ALDH18A1: variants seen among roughly 807,000 people sequenced by gnomAD.
ALDH18A1 encodes the protein delta-1-pyrroline-5-carboxylate synthase.
A neutral mutation model predicts 88.8 loss-of-function variants in ALDH18A1; 44 were observed. The ratio of observed to expected loss-of-function variants is 0.50; its 90% CI spans 0.39 to 0.64. The LOEUF is 0.64. Ranked by LOEUF, ALDH18A1 falls within the 30% of genes least tolerant of loss-of-function variation. The pLI, the probability that ALDH18A1 is intolerant of heterozygous loss-of-function variation, is 0.00. For missense variants in ALDH18A1, 782 were observed against 1,009.5 expected (o/e 0.77, Z 3.05); for synonymous variants, 331 against 372.1 (o/e 0.89, Z 1.27).
At chr10:95,607,879 G>A (rs760401452) in intron 17 of ALDH18A1, among the ~76,000 whole-genome samples, 5 of 152,164 alleles carry the variant, frequency 3.3e-5, no homozygotes, top group Non-Finnish European at 5.9e-5. Context: ...GAGCAAGTAC[G>A]AGACACAGTA....
At chr10:95,641,646 T>C (rs1263392376) in intron 3 of ALDH18A1, among the ~76,000 whole-genome samples, 2 of 151,978 alleles carry the variant, frequency 1.3e-5, no homozygotes, top group East Asian at 1.9e-4. Context: ...ACCAAGAAGT[T>C]AGAACTTTTT....
chr10:95,616,073 G>A (rs1032203687), intron 13 of ALDH18A1, among the ~76,000 whole-genome samples: 5 of 152,160 alleles, frequency 3.3e-5, no homozygotes, highest in African/African-American at 1.2e-4. Context: ...AGTGATAACA[G>A]CATGATCTCA....
Position 95,627,506 on chromosome 10 carries a change from G to A in ALDH18A1, c.1014C>T (p.His338=), listed in dbSNP as rs150056435. 190 of 1,614,122 alleles carry A rather than the reference G, an allele frequency of 1.2e-4. No individual in the cohort carries two copies. The highest frequency in any genetic ancestry group is 1.5e-4 in the Non-Finnish European group (180 of 1,179,984). Residue 338 remains histidine (H), a synonymous_variant, in exon 9 of 18, where the codon CAC becomes CAT. Coordinates refer to ENST00000371224, the MANE Select transcript of ALDH18A1 (RefSeq NM_002860.4). ...TCCCCTCCACAATGTCTGTGATGAC[G>A]TGCCCAGACACCTTTGGGTGGGTTC... ...ANGTHPKVSG[H]VITDIVEGKK... is the part of the protein sequence containing the mutation.
At chr10:95,622,201 C>T (rs2097853835) in intron 11 of ALDH18A1, among the ~76,000 whole-genome samples, 1 of 152,004 alleles carries the variant, frequency 6.6e-6, no homozygotes, top group African/African-American at 2.4e-5. Context: ...AAACTTTTTT[C>T]CTTTTTTTCT....
chr10:95,606,222 T>A lies in ALDH18A1; in HGVS notation c.*540A>T, dbSNP rs2097822368. The A allele has an allele frequency of 4.0e-6, 4 of 989,740 alleles. No homozygotes were observed. The highest frequency in any genetic ancestry group is 1.0e-3 in the Middle Eastern group (2 of 1,922). 61.3% of individuals were successfully genotyped at this position (989,740 alleles called of 1,614,324 possible). On this transcript the variant is annotated 3_prime_UTR_variant, in exon 18 of 18. Transcript: ENST00000371224. ...AATGCTTATTAATTTACCCCACAAA[T>A]AAATACAAAAGGTCAATCTTCCCAG...
chr10:95,618,772 G>A (rs1232209757), intron 12 of ALDH18A1, among the ~76,000 whole-genome samples: 1 of 152,180 alleles, frequency 6.6e-6, no homozygotes, highest in African/African-American at 2.4e-5. Flanking sequence ...AGAGACTTGT[G>A]GTCAGAGAAC....
Position 95,613,786 on chromosome 10 carries a change from T to C in ALDH18A1, c.1879A>G (p.Thr627Ala), listed in dbSNP as rs1171408693. Reference protein sequence around the residue: ...TLLIHRDLLRTPLFDQIIDML... With the variant: ...TLLIHRDLLRAPLFDQIIDML... ...TCAATGATCTGGTCAAATAATGGTG[T>C]CCTGAGCAGATCCCGGTGGATTAAC... is the stretch of plus-strand genomic sequence containing the variant. Residue 627 changes from threonine to alanine, a missense_variant, in exon 15 of 18, where the codon ACA becomes GCA. Around this residue, in one of 3 missense-constraint regions of ALDH18A1, gnomAD observed 556 missense variants for 654.5 expected, o/e 0.85. Transcript: ENST00000371224. 6.2e-7 allele frequency: 1 copy of C among 1,613,996 alleles called. No homozygotes were observed.
At position 95,613,781 on chromosome 10, in the gene ALDH18A1, T is replaced by G. The variant is rs866277932; in HGVS notation, c.1884A>C (p.Pro628=). The G allele has an allele frequency of 1.9e-6, 3 of 1,614,164 alleles. No homozygotes were observed. Among genetic ancestry groups the G allele is most frequent in the Middle Eastern group, 3.3e-4 (2 of 6,062 alleles). ...GCATATCAATGATCTGGTCAAATAA[T>G]GGTGTCCTGAGCAGATCCCGGTGGA... ...LLIHRDLLRT[P]LFDQIIDMLR... The change falls in exon 15 of 18, where the codon CCA becomes CCC. Residue 628 remains proline, a synonymous_variant. Transcript: ENST00000371224.
chr10:95,626,032 T>C lies in ALDH18A1; in HGVS notation c.1153-577A>G, dbSNP rs952048178. Among the ~76,000 whole-genome samples, 3 of 152,210 alleles carry C rather than the reference T, an allele frequency of 2.0e-5. No homozygotes were observed. The East Asian group carries it at 5.8e-4, about 29-fold the overall frequency. On this transcript the variant is annotated intron_variant, in intron 10 of 17. Coordinates refer to ENST00000371224, the MANE Select transcript of ALDH18A1 (RefSeq NM_002860.4). ...AACCTGACCCTGCTAGATGAGGAAATGTGGCAAATCAGTATGCTGATTATT... is the reference window on the plus strand; with the variant it reads ...AACCTGACCCTGCTAGATGAGGAAACGTGGCAAATCAGTATGCTGATTATT...
In ALDH18A1 at chr10:95,606,548, T is replaced by C; in HGVS notation, c.*214A>G. The C allele has an allele frequency of 7.0e-7, 1 of 1,437,250 alleles. No homozygotes were observed. The highest frequency in any genetic ancestry group is 9.1e-7 in the Non-Finnish European group (1 of 1,100,670). The allele number at this position is 1,437,250 out of a possible 1,614,324, so 89.0% of individuals were successfully genotyped here. ...GCAAAGTCCCTATCGGTAGCAACTA[T>C]TTTCTTACTTTAAAAAAAAAGGGTG... On this transcript the variant is annotated 3_prime_UTR_variant, in exon 18 of 18. Transcript: ENST00000371224.
chr10:95,610,671 G>A (rs890034572), intron 16 of ALDH18A1, among the ~76,000 whole-genome samples: 2 of 152,198 alleles, frequency 1.3e-5, no homozygotes, highest in Non-Finnish European at 2.9e-5. Context: ...CTTACAACAT[G>A]ACCTAGCTGA....
In ALDH18A1 at chr10:95,644,761, T is replaced by C. The variant is rs1225303739; in HGVS notation, c.89-1555A>G. Reference sequence around the variant, plus strand: ...ACATGTGAAAATGTTATGTGGGATTTCTAGGAACTTAAAAGAGACATGCTT... The same window carrying C: ...ACATGTGAAAATGTTATGTGGGATTCCTAGGAACTTAAAAGAGACATGCTT... On this transcript the variant is annotated intron_variant, in intron 2 of 17. Coordinates refer to ENST00000371224, the MANE Select transcript of ALDH18A1 (RefSeq NM_002860.4). Among the ~76,000 whole-genome samples, 23 of 152,224 alleles carry C rather than the reference T, an allele frequency of 1.5e-4. 1 individual carries two copies. Among genetic ancestry groups the C allele is most frequent in the Admixed American group, 1.5e-3 (23 of 15,276 alleles).
At chr10:95,635,504 A>C (rs1215802668) in intron 5 of ALDH18A1, among the ~76,000 whole-genome samples, 2 of 152,218 alleles carry the variant, frequency 1.3e-5, no homozygotes, top group African/African-American at 4.8e-5. Flanking sequence ...TTAAGTGTTT[A>C]AGTCTTTAAC....
chr10:95,636,451 T>C (rs1052187370), intron 5 of ALDH18A1, among the ~76,000 whole-genome samples: 1 of 152,048 alleles, frequency 6.6e-6, no homozygotes, highest in African/African-American at 2.4e-5. Flanking sequence ...TAGGTAAAAA[T>C]GAAACAATGT....
chr10:95,623,833 G>A (rs2097856677), intron 11 of ALDH18A1, among the ~76,000 whole-genome samples: 1 of 152,178 alleles, frequency 6.6e-6, no homozygotes, highest in South Asian at 2.1e-4. Flanking sequence ...CGAAAGTGCT[G>A]GGATTACAGG....
chr10:95,644,603 T>C (rs1411758253), intron 2 of ALDH18A1, among the ~76,000 whole-genome samples: 1 of 152,216 alleles, frequency 6.6e-6, no homozygotes, highest in African/African-American at 2.4e-5. Flanking sequence ...TACTTACCCA[T>C]TCGCCCTTTC....
At chr10:95,618,771 T>C (rs1566005623) in intron 12 of ALDH18A1, among the ~76,000 whole-genome samples, 1 of 152,230 alleles carries the variant, frequency 6.6e-6, no homozygotes, top group Non-Finnish European at 1.5e-5. Context: ...CAGAGACTTG[T>C]GGTCAGAGAA....
chr10:95,629,470 G>T (rs540633821), intron 7 of ALDH18A1, among the ~76,000 whole-genome samples: 9 of 152,264 alleles, frequency 5.9e-5, no homozygotes, highest in African/African-American at 2.2e-4. Flanking sequence ...CAAAGCAGTG[G>T]CAACTATAAG....
intron 6 of ALDH18A1, 104 bp downstream of exon 6, chr10:95,633,387 A>G: frequency 6.9e-7 from 1 of 1,451,676 alleles, no homozygotes; most frequent in South Asian, 1.3e-5. Context: ...TTTCTCTCAC[A>G]ACTTTTCCAT....
Sources: gnomAD v4.1 joint callset for allele counts (sites outside exome capture counted in the v4.1 genomes callset) on GRCh38, gnomAD v4.1.1 for gene constraint, gnomAD v4.1.1 regional missense constraint, MANE v1.5 for transcripts, NCBI Gene and HGNC (gene_info 2026-07-23, HGNC 2026-07-21) for gene names.